The following ERAP1 variants were observed in gnomAD, a reference collection of about 807,000 sequenced individuals.
The protein encoded by ERAP1 is endoplasmic reticulum aminopeptidase 1.
Under a neutral mutation model 103.7 loss-of-function variants are expected in ERAP1, and 86 were observed. That is an observed-to-expected ratio of 0.83 (90% CI 0.70 to 0.99). The LOEUF (loss-of-function observed/expected upper bound fraction) is 0.99. ERAP1 is among the 50% of genes least tolerant of loss of function. ERAP1 has a pLI of 0.00. For synonymous variants in ERAP1, 398 were observed against 402.4 expected (o/e 0.99, Z 0.13); for missense variants, 1,009 against 1,128.4 (o/e 0.89, Z 1.52).
chr5:96,855,590 A>T, the ERAP1 span, among the ~76,000 whole-genome samples: 3 of 152,206 alleles, frequency 2.0e-5, no homozygotes, highest in Admixed American at 2.0e-4. Context: ...CCTTTCCATG[A>T]CTTACAGAAA....
chr5:96,823,837 T>C, the ERAP1 span, among the ~76,000 whole-genome samples: 1 of 152,252 alleles, frequency 6.6e-6, no homozygotes, highest in African/African-American at 2.4e-5. Context: ...AGAAGTACTT[T>C]ACTGCTTCTC....
chr5:96,765,038 TCTC>T (rs139949038), intron 19 of ERAP1, among the ~76,000 whole-genome samples: 14,075 of 151,938 alleles, frequency 0.093, 767 homozygotes, highest in African/African-American at 0.14. Flanking sequence ...CTGCCGCTCT[TCTC>T]CTGATCTTCC....
the ERAP1 span, chr5:96,889,486 C>T: frequency 1.4e-6 from 1 of 737,952 alleles, no homozygotes. Context: ...TTATGACATG[C>T]CCCAACAGTG....
chr5:96,913,963 A>C, the ERAP1 span, among the ~76,000 whole-genome samples: 1 of 152,180 alleles, frequency 6.6e-6, no homozygotes, highest in East Asian at 1.9e-4. Context: ...GTGTTTGGGG[A>C]GCCCTCCCTC....
At chr5:96,857,553 AT>A in the ERAP1 span, among the ~76,000 whole-genome samples, 2 of 152,236 alleles carry the variant, frequency 1.3e-5, no homozygotes, top group African/African-American at 4.8e-5. Context: ...AAGCATGGGT[AT>A]TATCATCAAT....
At chr5:96,880,443 T>A in the ERAP1 span, among the ~76,000 whole-genome samples, 55 of 152,180 alleles carry the variant, frequency 3.6e-4, 2 homozygotes, top group Admixed American at 3.5e-3. Context: ...AAGACAGGAC[T>A]CAGAGGCATA....
At chr5:96,883,458 T>C in the ERAP1 span, among the ~76,000 whole-genome samples, 1 of 152,220 alleles carries the variant, frequency 6.6e-6, no homozygotes, top group South Asian at 2.1e-4. Flanking sequence ...TGAAGACATG[T>C]AGACAACATG....
At chr5:96,853,535 T>C in the ERAP1 span, among the ~76,000 whole-genome samples, 364 of 152,232 alleles carry the variant, frequency 2.4e-3, 6 homozygotes, top group East Asian at 0.023. Flanking sequence ...AACTGGGAGA[T>C]ATAAAAGCAG....
chr5:96,856,369 G>A, the ERAP1 span, among the ~76,000 whole-genome samples: 1 of 56,452 alleles, frequency 1.8e-5, no homozygotes, highest in Non-Finnish European at 3.5e-5. Context: ...TATATATAGA[G>A]AGAGAGAGAG....
At chr5:96,895,392 GGTGTA>G in the ERAP1 span, 1 of 1,347,504 alleles carries the variant, frequency 7.4e-7, no homozygotes. Flanking sequence ...CATACTATAT[GGTGTA>G]AAGAATCATC....
chr5:96,920,277 C>G, the ERAP1 span, among the ~76,000 whole-genome samples: 1 of 150,416 alleles, frequency 6.6e-6, no homozygotes, highest in Non-Finnish European at 1.5e-5. Context: ...TGCACTCCAG[C>G]CTGGGTGACA....
rs749929768 is a variant in ERAP1 at position 96,783,060 on chromosome 5, C to T, written c.2276G>A (p.Gly759Glu). Residue 759 changes from glycine (G) to glutamate (E), a missense_variant, in exon 15 of 19, where the codon GGA becomes GAA. Coordinates refer to ENST00000443439, the MANE Select transcript of ERAP1 (RefSeq NM_001040458.3). ...GYFRKWKESN[G>E]NLSLPVDVTL... is the part of the protein sequence containing the mutation. ...TTTAGTAAGGACTGACCTCAAGTTT[C>T]CATTGGATTCCTTCCACTTTCTGAA... 6.2e-7 allele frequency: 1 copy of T among 1,614,228 alleles called. No individual in the cohort carries two copies. Among genetic ancestry groups the T allele is most frequent in the East Asian group, 2.2e-5 (1 of 44,886 alleles).
the ERAP1 span, among the ~76,000 whole-genome samples, chr5:96,875,628 A>C: frequency 1.3e-5 from 2 of 152,186 alleles, no homozygotes; most frequent in Non-Finnish European, 2.9e-5. Flanking sequence ...TATATGGTTC[A>C]ATCCTAGATA....
chr5:96,895,494 C>T, the ERAP1 span: 1 of 670,512 alleles, frequency 1.5e-6, no homozygotes, highest in Non-Finnish European at 2.6e-6. Flanking sequence ...TTGTTTGATA[C>T]ACGAAACAGA....
the ERAP1 span, among the ~76,000 whole-genome samples, chr5:96,896,127 G>A: frequency 6.6e-6 from 1 of 152,018 alleles, no homozygotes; most frequent in Admixed American, 6.6e-5. Flanking sequence ...TCAAGGGCTG[G>A]TACATGATAA....
chr5:96,905,854 T>C, the ERAP1 span, among the ~76,000 whole-genome samples: 1 of 151,988 alleles, frequency 6.6e-6, no homozygotes, highest in South Asian at 2.1e-4. Flanking sequence ...CGAATAATAC[T>C]CTGTCTCAAA....
chr5:96,882,702 T>C, the ERAP1 span, among the ~76,000 whole-genome samples: 1 of 152,182 alleles, frequency 6.6e-6, no homozygotes, highest in African/African-American at 2.4e-5. Context: ...CCAGTTAGAA[T>C]TCCTTTACAT....
At chr5:96,922,265 T>C in the ERAP1 span, among the ~76,000 whole-genome samples, 4 of 152,272 alleles carry the variant, frequency 2.6e-5, no homozygotes, top group East Asian at 7.7e-4. Flanking sequence ...GCCACTGCAC[T>C]CCGGCCTGGG....
At chr5:96,840,769 G>C in the ERAP1 span, among the ~76,000 whole-genome samples, 5 of 150,304 alleles carry the variant, frequency 3.3e-5, no homozygotes, top group African/African-American at 1.2e-4. Context: ...GCAGTGGCAT[G>C]ATCTCGGCTC....
Sources: gnomAD v4.1 joint callset for allele counts (sites outside exome capture counted in the v4.1 genomes callset) on GRCh38, gnomAD v4.1.1 for gene constraint, MANE v1.5 for transcripts, NCBI Gene and HGNC (gene_info 2026-07-23, HGNC 2026-07-21) for gene names.